ACTN1: variants seen among roughly 807,000 people sequenced by gnomAD.
ACTN1 encodes the protein alpha-actinin-1.
Under a neutral mutation model 119.6 loss-of-function variants are expected in ACTN1, and 30 were observed. The ratio of observed to expected loss-of-function variants is 0.25; its 90% CI spans 0.19 to 0.34. ACTN1 has a LOEUF of 0.34. Ranked by LOEUF, ACTN1 falls within the 10% of genes least tolerant of loss-of-function variation. The probability of loss-of-function intolerance (pLI) is 1.00; values close to 1 mark genes in which losing one functional copy is unlikely to be tolerated. For missense variants in ACTN1, 764 were observed against 1,223.4 expected (o/e 0.62, Z 5.60); for synonymous variants, 429 against 472.6 (o/e 0.91, Z 1.20).
intron 3 of ACTN1, among the ~76,000 whole-genome samples, chr14:68,920,580 G>A (rs2034585604): frequency 6.6e-6 from 1 of 152,148 alleles, no homozygotes; most frequent in Non-Finnish European, 1.5e-5. Flanking sequence ...AGAGGCTTCG[G>A]GACTTCAGTC....
intron 1 of ACTN1, among the ~76,000 whole-genome samples, chr14:68,946,530 C>A (rs1317459688): frequency 6.6e-6 from 1 of 152,208 alleles, no homozygotes; most frequent in Non-Finnish European, 1.5e-5. Context: ...ACCCACAGGA[C>A]TTCCAGGACT....
intron 3 of ACTN1, among the ~76,000 whole-genome samples, chr14:68,916,070 T>C (rs931558526): frequency 1.3e-5 from 2 of 152,216 alleles, no homozygotes; most frequent in African/African-American, 4.8e-5. Flanking sequence ...GAGTGCTTAA[T>C]AACTTAGAAA....
chr14:68,899,215 C>A (rs2033120473), intron 8 of ACTN1, among the ~76,000 whole-genome samples: 1 of 134,872 alleles, frequency 7.4e-6, no homozygotes, highest in Non-Finnish European at 1.6e-5. Flanking sequence ...CCCCTCCACA[C>A]CACACACCAC....
chr14:68,978,831 G>A (rs1305807679), intron 1 of ACTN1, 121 bp downstream of exon 1: 2 of 585,702 alleles, frequency 3.4e-6, no homozygotes, highest in Admixed American at 4.4e-5. Flanking sequence ...CACCGCCCCC[G>A]CCCCCTCCCG....
chr14:68,950,234 C>T (rs1480620926), intron 1 of ACTN1, among the ~76,000 whole-genome samples: 1 of 143,848 alleles, frequency 7.0e-6, no homozygotes, highest in African/African-American at 2.6e-5. Flanking sequence ...GAGGAGGTTG[C>T]AGTAAGCTGA....
intron 1 of ACTN1, among the ~76,000 whole-genome samples, chr14:68,967,176 T>C (rs1229872745): frequency 6.6e-6 from 1 of 152,174 alleles, no homozygotes; most frequent in African/African-American, 2.4e-5. Flanking sequence ...ACACACCTCT[T>C]AGTCCTGAGG....
At chr14:68,936,987 G>T in intron 1 of ACTN1, 2 of 358,542 alleles carry the variant, frequency 5.6e-6, no homozygotes, top group South Asian at 2.2e-5. Flanking sequence ...ATGTACTCCA[G>T]GGTCTTTTGA....
intron 1 of ACTN1, among the ~76,000 whole-genome samples, chr14:68,937,909 C>T (rs28574858): frequency 6.6e-6 from 1 of 151,696 alleles, no homozygotes; most frequent in Non-Finnish European, 1.5e-5. Context: ...CTGTGCTCAG[C>T]GTTGAGTCCT....
At chr14:68,916,075 TAG>T (rs2034276645) in intron 3 of ACTN1, among the ~76,000 whole-genome samples, 1 of 152,208 alleles carries the variant, frequency 6.6e-6, no homozygotes, top group African/African-American at 2.4e-5. Context: ...CTTAATAACT[TAG>T]AAAAATTTTT....
chr14:68,925,619 C>T lies in ACTN1; in HGVS notation c.159G>A (p.Glu53=). 6.2e-7 allele frequency: 1 copy of T among 1,613,608 alleles called. No individual in the cohort carries two copies. The highest frequency in any genetic ancestry group is 8.5e-7 in the Non-Finnish European group (1 of 1,179,744). ...SHLRKAGTQI[E]NIEEDFRDGL... ...CATCCCGGAAGTCCTCTTCGATGTT[C>T]TCGATCTGTGTCCCCGCCTTCCGGA... The change falls in exon 2 of 22, where the codon GAG becomes GAA. Residue 53 remains glutamate (E), a synonymous_variant. Coordinates refer to ENST00000394419, the MANE Select transcript of ACTN1 (RefSeq NM_001130004.2). This position sits in a 1 kb window ranked among gnomAD's most constrained non-coding sequence, Gnocchi z 4.3.
intron 3 of ACTN1, among the ~76,000 whole-genome samples, chr14:68,917,084 A>G (rs929939597): frequency 1.3e-5 from 2 of 151,998 alleles, no homozygotes; most frequent in African/African-American, 4.8e-5. Context: ...AAAATACAAA[A>G]TCCTTTTTGA....
chr14:68,969,431 T>G (rs2036807953), intron 1 of ACTN1, among the ~76,000 whole-genome samples: 1 of 152,340 alleles, frequency 6.6e-6, no homozygotes, highest in South Asian at 2.1e-4. Flanking sequence ...GAAAAGCACT[T>G]TGGGTTCCTG....
At chr14:68,968,660 C>T (rs371955505) in intron 1 of ACTN1, among the ~76,000 whole-genome samples, 1 of 152,230 alleles carries the variant, frequency 6.6e-6, no homozygotes, top group Non-Finnish European at 1.5e-5. Context: ...AAATCTGAAG[C>T]CAACATGGTC....
intron 20 of ACTN1, 165 bp from the exon 21 acceptor site, chr14:68,877,405 C>G: frequency 1.3e-6 from 1 of 771,046 alleles, no homozygotes; most frequent in Non-Finnish European, 2.0e-6. Flanking sequence ...GGACACAACA[C>G]CCAACAGGGG....
intron 1 of ACTN1, among the ~76,000 whole-genome samples, chr14:68,969,519 G>C (rs1023375307): frequency 2.6e-5 from 4 of 152,236 alleles, no homozygotes; most frequent in African/African-American, 9.6e-5. Context: ...TGTCTGCGGA[G>C]TTTAAAAGGG....
chr14:68,958,518 A>G (rs530410413), intron 1 of ACTN1, among the ~76,000 whole-genome samples: 1 of 151,778 alleles, frequency 6.6e-6, no homozygotes, highest in East Asian at 1.9e-4. Flanking sequence ...TTCCTTTTCA[A>G]TTAAAAAAAA....
In ACTN1 at chr14:68,874,848, G is replaced by C. The variant is rs1336844520; in HGVS notation, c.*11C>G. ...ACGGCGCACAAGACGAGGGCGGCCG[G>C]GCGGGGTGGATTAGAGGTCACTCTC... On this transcript the variant is annotated 3_prime_UTR_variant, in exon 22 of 22. Transcript: ENST00000394419. 1 of 1,562,238 alleles carries C rather than the reference G, an allele frequency of 6.4e-7. No individual in the cohort carries two copies. Among genetic ancestry groups the C allele is most frequent in the Non-Finnish European group, 8.7e-7 (1 of 1,146,972 alleles).
intron 1 of ACTN1, among the ~76,000 whole-genome samples, chr14:68,972,726 C>G (rs892545733): frequency 1.3e-5 from 2 of 152,162 alleles, no homozygotes; most frequent in African/African-American, 4.8e-5. Flanking sequence ...TGCTGGAGCC[C>G]GACTGCCTGG....
chr14:68,877,292 A>G, intron 20 of ACTN1, 52 bp from the exon 21 acceptor site: 7 of 1,607,390 alleles, frequency 4.4e-6, no homozygotes, highest in East Asian at 2.2e-5. Context: ...TGCTGGGAAT[A>G]TCTCATATGG....
Sources: allele counts gnomAD v4.1 joint callset (sites outside exome capture counted in the v4.1 genomes callset), GRCh38; gene constraint gnomAD v4.1.1; non-coding constraint Gnocchi (gnomAD v3.1); transcripts MANE v1.5; gene names NCBI Gene and HGNC (gene_info 2026-07-23, HGNC 2026-07-21).